The following ZNF131 variants were observed in gnomAD, a reference collection of about 807,000 sequenced individuals.
ZNF131 encodes the protein zinc finger and BTB domain containing 35.
In ZNF131, 7 loss-of-function variants were observed where a neutral mutation model predicts 60.0. The observed-to-expected ratio is 0.12, with a 90% confidence interval of 0.07 to 0.22. The LOEUF is 0.22. Among genes scored for constraint, ZNF131 ranks in the 10% least tolerant of loss-of-function variants. The probability of loss-of-function intolerance (pLI) is 1.00; values close to 1 mark genes in which losing one functional copy is unlikely to be tolerated. For missense variants in ZNF131, 493 were observed against 740.9 expected, an observed-to-expected ratio of 0.67 and a Z score of 3.88; for synonymous variants, 257 against 253.2, an observed-to-expected ratio of 1.01 and a Z score of -0.14.
At chr5:43,158,928 A>G (rs1465735276) in intron 4 of ZNF131, among the ~76,000 whole-genome samples, 2 of 151,914 alleles carry the variant, frequency 1.3e-5, no homozygotes, top group Admixed American at 6.6e-5. Context: ...TTGCAAGCCT[A>G]CAAGTTTTCC....
At chr5:43,154,111 C>G (rs764233248) in intron 4 of ZNF131, among the ~76,000 whole-genome samples, 7 of 151,960 alleles carry the variant, frequency 4.6e-5, no homozygotes, top group Non-Finnish European at 8.8e-5. Context: ...AACAGTGTAA[C>G]CTAAAGAAGT....
chr5:43,132,505 C>CTTTTTTTT (rs4050538), intron 3 of ZNF131, among the ~76,000 whole-genome samples: 4 of 93,504 alleles, frequency 4.3e-5, no homozygotes, highest in African/African-American at 8.5e-5. Context: ...GAATGGTATT[C>CTTTTTTTT]TTTTTTTTTT....
intron 3 of ZNF131, among the ~76,000 whole-genome samples, chr5:43,138,500 A>G (rs962952167): frequency 1.3e-5 from 2 of 152,140 alleles, no homozygotes; most frequent in African/African-American, 2.4e-5. Context: ...TAAAAATTCA[A>G]AATTAGCCAG....
rs527334473 is a variant in ZNF131, at chr5:43,167,468, A to T, written c.1054+5537A>T. Among the ~76,000 whole-genome samples, 3 of 152,298 alleles carry T rather than the reference A, an allele frequency of 2.0e-5. No homozygotes were observed. The South Asian group carries it at 6.2e-4, about 32-fold the overall frequency. ...TTGTAACAAACTGTGAAGACAGGAG[A>T]CAGTCCTCTTCCTGTTTCTTATTCT... On this transcript the variant is annotated intron_variant, in intron 5 of 6. Coordinates refer to ENST00000682664, the MANE Select transcript of ZNF131 (RefSeq NM_001330707.2).
intron 5 of ZNF131, chr5:43,173,040 AT>A (rs1751199040): frequency 4.6e-6 from 1 of 219,512 alleles, no homozygotes; most frequent in Non-Finnish European, 8.9e-6. Context: ...AGGGAAAATA[AT>A]TTTTTTAAGA....
rs914201117 is a variant in ZNF131 at position 43,159,903 on chromosome 5, G to A, written c.372-1346G>A. Among the ~76,000 whole-genome samples the A allele has an allele frequency of 3.3e-5, 5 of 151,468 alleles. No homozygotes were observed. The East Asian group carries it at 5.9e-4, about 18-fold the overall frequency. On this transcript the variant is annotated intron_variant, in intron 4 of 6. Transcript: ENST00000682664. ...TCTTTCAGCTGGGCAGGCTGGGCGCGGTGGCCCACGCCTGTAATCCCAGCA... is the reference window on the plus strand; with the variant it reads ...TCTTTCAGCTGGGCAGGCTGGGCGCAGTGGCCCACGCCTGTAATCCCAGCA...
Position 43,123,203 on chromosome 5 carries a change from A to G in ZNF131, c.125-6A>G, listed in dbSNP as rs1248471506. 4.4e-6 allele frequency: 7 copies of G among 1,588,974 alleles called. No homozygotes were observed. Among genetic ancestry groups the G allele is most frequent in the Non-Finnish European group, 6.0e-6 (7 of 1,171,956 alleles). ...TGATTTTCTTTTTTTTTCTTATTTT[A>G]CCTAGGACACCATTTTAAGGCTCAC... On this transcript the variant is annotated splice_region_variant and splice_polypyrimidine_tract_variant and intron_variant, in intron 2 of 6. Coordinates refer to ENST00000682664, the MANE Select transcript of ZNF131 (RefSeq NM_001330707.2).
At chr5:43,122,613 C>T (rs527759889) in intron 2 of ZNF131, among the ~76,000 whole-genome samples, 2 of 152,196 alleles carry the variant, frequency 1.3e-5, no homozygotes, top group East Asian at 3.9e-4. Context: ...CACTCATACC[C>T]CCTTTGAGAA....
chr5:43,161,981 A>G lies in ZNF131; in HGVS notation c.1054+50A>G, dbSNP rs1334517211. 43 of 1,486,062 alleles carry G rather than the reference A, an allele frequency of 2.9e-5. No individual in the cohort carries two copies. In the East Asian group the frequency reaches 7.4e-4, roughly 26 times the overall value. 92.1% of individuals were successfully genotyped at this position (1,486,062 alleles called of 1,614,324 possible). ...ATTTTTTTTTCCCACATGCACTTCA[A>G]ATTTAAGTATCTAAATCCTTTTTAA... is the stretch of plus-strand genomic sequence containing the variant. On this transcript the variant is annotated intron_variant, in intron 5 of 6. Transcript: ENST00000682664.
At position 43,130,956 on chromosome 5, in the gene ZNF131, C is replaced by T. The variant is rs577127146; in HGVS notation, c.226+7646C>T. On this transcript the variant is annotated intron_variant, in intron 3 of 6. Transcript: ENST00000682664. ...TCAGCTCACTGCAACCTCCATCTCC[C>T]GGGTTCAGGTGATTCTCCTGCCTCA... Among the ~76,000 whole-genome samples, 6 of 152,100 alleles carry T rather than the reference C, an allele frequency of 3.9e-5. No homozygotes were observed. The East Asian group carries it at 5.8e-4, about 15-fold the overall frequency.
chr5:43,162,970 T>TTTTTTTTTTTTTTC (rs1749921748), intron 5 of ZNF131, among the ~76,000 whole-genome samples: 1 of 61,136 alleles, frequency 1.6e-5, no homozygotes, highest in Non-Finnish European at 3.7e-5. Flanking sequence ...TTTATTTGCC[T>TTTTTTTTTTTTTTC]TTTTTTTTTT....
chr5:43,130,700 G>A (rs1485060607), intron 3 of ZNF131, among the ~76,000 whole-genome samples: 1 of 151,952 alleles, frequency 6.6e-6, no homozygotes, highest in Non-Finnish European at 1.5e-5. Context: ...GAGTAGCTGG[G>A]ATTACAGGCA....
At chr5:43,144,819 T>C (rs1359143165) in intron 4 of ZNF131, among the ~76,000 whole-genome samples, 1 of 151,890 alleles carries the variant, frequency 6.6e-6, no homozygotes, top group Non-Finnish European at 1.5e-5. Flanking sequence ...ATAACATGAT[T>C]ATGCATATGT....
rs543096122 is a variant in ZNF131 at position 43,171,574 on chromosome 5, A to G, written c.1055-1744A>G. On this transcript the variant is annotated intron_variant, in intron 5 of 6. Coordinates refer to ENST00000682664, the MANE Select transcript of ZNF131 (RefSeq NM_001330707.2). Reference sequence around the variant, plus strand: ...ACTCCGTCTGAAAAAAAAGAATGCTATTATTGACATGCTCCCCTCTAGGTA... The same window carrying G: ...ACTCCGTCTGAAAAAAAAGAATGCTGTTATTGACATGCTCCCCTCTAGGTA... Among the ~76,000 whole-genome samples, 44 of 152,212 alleles carry G rather than the reference A, an allele frequency of 2.9e-4. 1 individual carries two copies. The highest frequency in any genetic ancestry group is 1.9e-3 in the South Asian group (9 of 4,826).
intron 5 of ZNF131, among the ~76,000 whole-genome samples, chr5:43,166,953 C>T (rs539666606): frequency 1.5e-4 from 23 of 152,282 alleles, no homozygotes; most frequent in African/African-American, 5.1e-4. Context: ...CCACCGCATC[C>T]GGGTGAGACA....
intron 4 of ZNF131, among the ~76,000 whole-genome samples, chr5:43,143,879 C>G (rs747285267): frequency 8.8e-6 from 1 of 113,616 alleles, no homozygotes; most frequent in Non-Finnish European, 1.7e-5. Context: ...CCTCTAGGTT[C>G]TCTGGAATAT....
At chr5:43,173,550 G>A in intron 6 of ZNF131, 102 bp downstream of exon 6, 1 of 1,372,660 alleles carries the variant, frequency 7.3e-7, no homozygotes, top group South Asian at 1.8e-5. Context: ...TATAGGGGCT[G>A]ACGGTTTGGA....
chr5:43,163,747 G>A (rs1193789366), intron 5 of ZNF131, among the ~76,000 whole-genome samples: 1 of 152,158 alleles, frequency 6.6e-6, no homozygotes, highest in Non-Finnish European at 1.5e-5. Flanking sequence ...GTTATATGTG[G>A]TGGTTAAGGC....
chr5:43,164,101 T>C (rs1246618743), intron 5 of ZNF131, among the ~76,000 whole-genome samples: 1 of 152,224 alleles, frequency 6.6e-6, no homozygotes, highest in East Asian at 1.9e-4. Context: ...TGCTTTCTGA[T>C]TGCAAACATG....
Sources: allele counts gnomAD v4.1 joint callset (sites outside exome capture counted in the v4.1 genomes callset), GRCh38; gene constraint gnomAD v4.1.1; transcripts MANE v1.5; gene names NCBI Gene and HGNC (gene_info 2026-07-23, HGNC 2026-07-21).